The following CD86 variants were observed in gnomAD, a reference collection of about 807,000 sequenced individuals.
The protein encoded by CD86 is T-lymphocyte activation antigen CD86.
Under a neutral mutation model 32.1 loss-of-function variants are expected in CD86, and 11 were observed. That is an observed-to-expected ratio of 0.34 (90% CI 0.22 to 0.57). The LOEUF (loss-of-function observed/expected upper bound fraction) is 0.57, where lower values mean the gene tolerates loss of function less well. CD86 is among the 20% of genes least tolerant of loss of function. The pLI is 0.86. For synonymous variants in CD86, 137 were observed against 135.3 expected (o/e 1.01, Z -0.09); for missense variants, 359 against 398.4 (o/e 0.90, Z 0.84).
intron 1 of CD86, chr3:122,086,472 G>A (rs2072721916): frequency 2.4e-6 from 1 of 419,934 alleles, no homozygotes; most frequent in Non-Finnish European, 4.9e-6. Flanking sequence ...TCAGACCTCA[G>A]ATACAAAGAT....
intron 5 of CD86, among the ~76,000 whole-genome samples, chr3:122,110,489 T>C (rs1432224428): frequency 2.0e-5 from 3 of 152,188 alleles, no homozygotes; most frequent in Admixed American, 2.0e-4. Flanking sequence ...AAGCACAAGA[T>C]GAGTATTGCC....
intron 2 of CD86, among the ~76,000 whole-genome samples, chr3:122,102,991 A>G (rs1044630110): frequency 6.6e-6 from 1 of 152,158 alleles, no homozygotes; most frequent in Admixed American, 6.6e-5. Flanking sequence ...AAGGGGGGCT[A>G]TAATTTATTA....
At chr3:122,119,106 C>G (rs926702660) in intron 6 of CD86, among the ~76,000 whole-genome samples, 1 of 152,128 alleles carries the variant, frequency 6.6e-6, no homozygotes, top group South Asian at 2.1e-4. Flanking sequence ...TTCCGGGCAC[C>G]CTTGGACAAT....
At chr3:122,094,200 C>T (rs1167503622) in intron 2 of CD86, among the ~76,000 whole-genome samples, 3 of 152,182 alleles carry the variant, frequency 2.0e-5, no homozygotes, top group African/African-American at 7.2e-5. Flanking sequence ...TAAACTGGAA[C>T]ACCATTTCCC....
chr3:122,106,274 T>C lies in CD86; in HGVS notation c.477T>C (p.Ser159=), dbSNP rs1182097319. 2.4e-5 allele frequency: 39 copies of C among 1,613,786 alleles called. No homozygotes were observed. Among genetic ancestry groups the C allele is most frequent in the Non-Finnish European group, 3.1e-5 (37 of 1,179,820 alleles). ...ENVYINLTCS[S]IHGYPEPKKM... Reference sequence around the variant, plus strand: ...TGTACATAAATTTGACCTGCTCATCTATACACGGTTACCCAGAACCTAAGA... The same window carrying C: ...TGTACATAAATTTGACCTGCTCATCCATACACGGTTACCCAGAACCTAAGA... The change falls in exon 4 of 7, where the codon TCT becomes TCC. Residue 159 remains serine, a synonymous_variant. Transcript: ENST00000330540.
chr3:122,072,553 C>A (rs1183878246), intron 1 of CD86, among the ~76,000 whole-genome samples: 1 of 152,108 alleles, frequency 6.6e-6, no homozygotes, highest in Non-Finnish European at 1.5e-5. Context: ...TGTTCATATC[C>A]CTTGCCCACT....
intron 5 of CD86, among the ~76,000 whole-genome samples, chr3:122,110,732 A>G (rs1161279456): frequency 6.6e-6 from 1 of 152,220 alleles, no homozygotes; most frequent in Non-Finnish European, 1.5e-5. Flanking sequence ...AATTCCTAGC[A>G]CAGATGTAAA....
At chr3:122,070,519 A>G (rs530462634) in intron 1 of CD86, among the ~76,000 whole-genome samples, 24 of 152,198 alleles carry the variant, frequency 1.6e-4, no homozygotes, top group Non-Finnish European at 3.1e-4. Flanking sequence ...ATGCTTAACT[A>G]TGTAAAATTT....
Position 122,103,652 on chromosome 3 carries a change from T to C in CD86, c.205T>C (p.Tyr69His). 1 of 1,614,088 alleles carries C rather than the reference T, an allele frequency of 6.2e-7. No homozygotes were observed. Among genetic ancestry groups the C allele is most frequent in the East Asian group, 2.2e-5 (1 of 44,886 alleles). ...DQENLVLNEV[Y>H]LGKEKFDSVH... ...GGAAAACTTGGTTCTGAATGAGGTA[T>C]ACTTAGGCAAAGAGAAATTTGACAG... Residue 69 changes from tyrosine (Y) to histidine (H), a missense_variant, in exon 3 of 7, where the codon TAC becomes CAC. Coordinates refer to ENST00000330540, the MANE Select transcript of CD86 (RefSeq NM_175862.5).
intron 1 of CD86, 72 bp downstream of exon 1, chr3:122,055,575 TGG>T: frequency 7.1e-7 from 1 of 1,408,112 alleles, no homozygotes. Context: ...AGGTTGAAGA[TGG>T]TGCTTTGATG....
chr3:122,105,812 C>T (rs1471068116), intron 3 of CD86, among the ~76,000 whole-genome samples: 1 of 152,120 alleles, frequency 6.6e-6, no homozygotes, highest in African/African-American at 2.4e-5. Flanking sequence ...CCTTCCTGCT[C>T]TCTTAGTCTG....
At chr3:122,100,632 A>C (rs1335507093) in intron 2 of CD86, among the ~76,000 whole-genome samples, 2 of 152,212 alleles carry the variant, frequency 1.3e-5, no homozygotes, top group Non-Finnish European at 2.9e-5. Flanking sequence ...GAGACTTCAT[A>C]AGGCTAGCAA....
chr3:122,101,181 C>A (rs1365737084), intron 2 of CD86, among the ~76,000 whole-genome samples: 1 of 152,010 alleles, frequency 6.6e-6, no homozygotes, highest in African/African-American at 2.4e-5. Context: ...TTTCTGTGAT[C>A]CACTCTGGAG....
intron 5 of CD86, among the ~76,000 whole-genome samples, chr3:122,110,719 T>C (rs1035068265): frequency 5.3e-5 from 8 of 152,210 alleles, no homozygotes; most frequent in African/African-American, 1.9e-4. Context: ...TATAAAAGTA[T>C]AAAATTCCTA....
intron 2 of CD86, among the ~76,000 whole-genome samples, chr3:122,093,658 T>C (rs1366709283): frequency 6.6e-6 from 1 of 152,224 alleles, no homozygotes. Context: ...CCATTGTATA[T>C]GACTGAAATG....
At chr3:122,069,373 G>A (rs1274438026) in intron 1 of CD86, among the ~76,000 whole-genome samples, 8 of 152,090 alleles carry the variant, frequency 5.3e-5, no homozygotes, top group Non-Finnish European at 8.8e-5. Context: ...ACTGAGATTC[G>A]AAGATGGATA....
intron 4 of CD86, among the ~76,000 whole-genome samples, chr3:122,108,567 G>A (rs571855957): frequency 3.7e-4 from 57 of 152,256 alleles, no homozygotes; most frequent in East Asian, 2.1e-3. Flanking sequence ...GGGCGACTCC[G>A]TTCTAAGTTT....
intron 5 of CD86, among the ~76,000 whole-genome samples, chr3:122,113,445 G>T (rs890056319): frequency 6.6e-6 from 1 of 152,162 alleles, no homozygotes; most frequent in Non-Finnish European, 1.5e-5. Context: ...TTTCCATAGT[G>T]TTTGTACTAG....
At chr3:122,066,162 C>A (rs2107502956) in intron 1 of CD86, among the ~76,000 whole-genome samples, 1 of 152,282 alleles carries the variant, frequency 6.6e-6, no homozygotes, top group Non-Finnish European at 1.5e-5. Context: ...AAGAACCATT[C>A]AGTTTTGGGG....
Sources: gnomAD v4.1 joint callset for allele counts (sites outside exome capture counted in the v4.1 genomes callset) on GRCh38, gnomAD v4.1.1 for gene constraint, MANE v1.5 for transcripts, NCBI Gene and HGNC (gene_info 2026-07-23, HGNC 2026-07-21) for gene names.